ZHX2: variants seen among roughly 807,000 people sequenced by gnomAD.
The protein encoded by ZHX2 is zinc fingers and homeoboxes protein 2.
Under a neutral mutation model 21.9 loss-of-function variants are expected in ZHX2, and 6 were observed. The observed-to-expected ratio is 0.27, with a 90% CI of 0.15 to 0.54. ZHX2 has a LOEUF of 0.54. Ranked by LOEUF, ZHX2 falls within the 20% of genes least tolerant of loss-of-function variation. ZHX2 has a pLI of 0.95. For missense variants in ZHX2, 908 were observed against 1,090.7 expected (o/e 0.83, Z 2.36); for synonymous variants, 434 against 437.1 (o/e 0.99, Z 0.09).
At chr8:122,897,601 T>A (rs1820129142) in intron 2 of ZHX2, among the ~76,000 whole-genome samples, 1 of 151,748 alleles carries the variant, frequency 6.6e-6, no homozygotes, top group Non-Finnish European at 1.5e-5. Flanking sequence ...TTTACTGAAG[T>A]AGATTATCAA....
At chr8:122,781,505 T>TC (rs1052919817), upstream of ZHX2, 72 of 151,790 alleles carry the variant, frequency 4.7e-4, no homozygotes, top group African/African-American at 1.1e-3. This position sits in a 1 kb window ranked among gnomAD's most constrained non-coding sequence, Gnocchi z 4.6. Flanking sequence ...AGGGCTAGCC[T>TC]CCCCCCCAGC....
chr8:122,939,880 G>A (rs561811546), intron 2 of ZHX2, among the ~76,000 whole-genome samples: 1 of 152,278 alleles, frequency 6.6e-6, no homozygotes, highest in South Asian at 2.1e-4. Flanking sequence ...GGGAGGAGGG[G>A]TGGAGCAGTC....
intron 2 of ZHX2, among the ~76,000 whole-genome samples, chr8:122,891,373 C>CA (rs1402393259): frequency 1.4e-5 from 2 of 147,278 alleles, no homozygotes; most frequent in South Asian, 2.2e-4. Flanking sequence ...TTTACCTTTG[C>CA]AAAAAGCCAA....
chr8:122,951,435 C>G lies in ZHX2; in HGVS notation c.-76C>G. 1 of 1,343,600 alleles carries G rather than the reference C, an allele frequency of 7.4e-7. No homozygotes were observed. Among genetic ancestry groups the G allele is most frequent in the South Asian group, 1.4e-5 (1 of 70,842 alleles). The allele number at this position is 1,343,600 out of a possible 1,614,324, so 83.2% of individuals were successfully genotyped here. ...GGGAATAAAGCCAAAAGCCTTTCAC[C>G]TTATTCGTTCCAAGAATCTCACCGC... On this transcript the variant is annotated 5_prime_UTR_variant, in exon 3 of 4. Transcript: ENST00000314393.
chr8:122,953,350 CT>C lies in ZHX2; in HGVS notation c.1841del (p.Leu614ProfsTer9). 6.2e-7 allele frequency: 1 copy of C among 1,614,094 alleles called. No individual in the cohort carries two copies. Among genetic ancestry groups the C allele is most frequent in the Non-Finnish European group, 8.5e-7 (1 of 1,180,036 alleles). On this transcript the variant is annotated frameshift_variant, in exon 3 of 4. Transcript: ENST00000314393. LOFTEE classifies it low-confidence loss of function (END_TRUNC). This position sits in a 1 kb window ranked among gnomAD's most constrained non-coding sequence, Gnocchi z 4.6. ...VGAPNGALSR[L>X]DQLSGAQLTS... ...AGCCCCCAATGGTGCTCTGTCTCGA[CT>C]CGACCAGCTCTCCGGTGCCCAGTTA... is the stretch of plus-strand genomic sequence containing the variant.
intron 2 of ZHX2, among the ~76,000 whole-genome samples, chr8:122,900,156 AAGGAGTATCTGAGGTT>A (rs1820193646): frequency 6.6e-6 from 1 of 152,208 alleles, no homozygotes; most frequent in African/African-American, 2.4e-5. Flanking sequence ...TGTTGCTATA[AAGGAGTATCTGAGGTT>A]AGGTAATTTA....
At position 122,953,565 on chromosome 8, in the gene ZHX2, G is replaced by T; in HGVS notation, c.2055G>T (p.Thr685=). The T allele has an allele frequency of 6.2e-7, 1 of 1,614,208 alleles. No homozygotes were observed. Among genetic ancestry groups the T allele is most frequent in the Non-Finnish European group, 8.5e-7 (1 of 1,180,044 alleles). Reference sequence around the variant, plus strand: ...AGGAGAACAGATGCTTGCTGAAAACGGGAACCGTGAAGTGGATGGAGCAGT... The same window carrying T: ...AGGAGAACAGATGCTTGCTGAAAACTGGAACCGTGAAGTGGATGGAGCAGT... ...WFKENRCLLK[T]GTVKWMEQYQ... The change falls in exon 3 of 4, where the codon ACG becomes ACT. Residue 685 remains threonine, a synonymous_variant. Transcript: ENST00000314393. This position sits in a 1 kb window ranked among gnomAD's most constrained non-coding sequence, Gnocchi z 4.6.
At chr8:122,802,940 T>C (rs911646373) in intron 1 of ZHX2, among the ~76,000 whole-genome samples, 1 of 152,014 alleles carries the variant, frequency 6.6e-6, no homozygotes, top group Non-Finnish European at 1.5e-5. Flanking sequence ...TGCATCCCAC[T>C]GCCCCCACTC....
chr8:122,882,430 C>T (rs1586357359), intron 2 of ZHX2, among the ~76,000 whole-genome samples: 1 of 152,018 alleles, frequency 6.6e-6, no homozygotes, highest in African/African-American at 2.4e-5. Context: ...CAAGAATCTT[C>T]ATGAATTTTT....
At chr8:122,789,251 C>G (rs1265369389) in intron 1 of ZHX2, among the ~76,000 whole-genome samples, 1 of 152,178 alleles carries the variant, frequency 6.6e-6, no homozygotes, top group African/African-American at 2.4e-5. Flanking sequence ...CTATGGCTCT[C>G]CCCAGCTGCA....
intron 1 of ZHX2, among the ~76,000 whole-genome samples, chr8:122,858,058 C>A (rs1819070193): frequency 6.6e-6 from 1 of 152,218 alleles, no homozygotes; most frequent in East Asian, 1.9e-4. Context: ...GAAGACTGCA[C>A]TTCTGGCTTG....
intron 1 of ZHX2, among the ~76,000 whole-genome samples, chr8:122,821,853 T>C (rs1563742229): frequency 6.6e-6 from 1 of 152,128 alleles, no homozygotes; most frequent in Non-Finnish European, 1.5e-5. Flanking sequence ...TACAGGCATG[T>C]GCCACCACGC....
chr8:122,784,150 T>G (rs1223499872), intron 1 of ZHX2, among the ~76,000 whole-genome samples: 1 of 152,226 alleles, frequency 6.6e-6, no homozygotes, highest in Admixed American at 6.5e-5. Context: ...CTTGACATGC[T>G]GAAAGGTGGC....
At chr8:122,948,837 C>CA (rs1239569739) in intron 2 of ZHX2, among the ~76,000 whole-genome samples, 5 of 151,724 alleles carry the variant, frequency 3.3e-5, no homozygotes, top group African/African-American at 4.8e-5. Flanking sequence ...GAGTTAAATG[C>CA]AAAAAATAAG....
Position 122,964,948 on chromosome 8 carries a change from T to A in ZHX2, c.*5-8294T>A, listed in dbSNP as rs191884402. On this transcript the variant is annotated intron_variant, in intron 3 of 3. Coordinates refer to ENST00000314393, the MANE Select transcript of ZHX2 (RefSeq NM_014943.5). ...CTCATAAAGGTGTTCATAGAAACCT[T>A]GAATATCTTTTGTATTTCTATGGTA... Among the ~76,000 whole-genome samples the A allele has an allele frequency of 5.3e-3, 807 of 152,054 alleles. 3 individuals are homozygous for A. Among genetic ancestry groups the A allele is most frequent in the African/African-American group, 0.018 (738 of 41,546 alleles).
chr8:122,883,084 G>A (rs1404836329), intron 2 of ZHX2, among the ~76,000 whole-genome samples: 2 of 152,032 alleles, frequency 1.3e-5, no homozygotes, highest in African/African-American at 4.8e-5. Flanking sequence ...TCTTTTCTCT[G>A]GTGATCCAAA....
chr8:122,857,067 A>T (rs16897556), intron 1 of ZHX2, among the ~76,000 whole-genome samples: 42,943 of 151,904 alleles, frequency 0.28, 6,417 homozygotes, highest in East Asian at 0.36. Flanking sequence ...CCGCTCATTC[A>T]GCTTTTCTTC....
At position 122,939,445 on chromosome 8, in the gene ZHX2, C is replaced by A. The variant is rs115073430; in HGVS notation, c.-219-11847C>A. Among the ~76,000 whole-genome samples the A allele has an allele frequency of 5.1e-3, 780 of 152,202 alleles. 4 individuals are homozygous for A. The highest frequency in any genetic ancestry group is 0.018 in the African/African-American group (734 of 41,534). On this transcript the variant is annotated intron_variant, in intron 2 of 3. Coordinates refer to ENST00000314393, the MANE Select transcript of ZHX2 (RefSeq NM_014943.5). ...TGTTTGCTTTGCTTTGCTTTGTTTG[C>A]CTTTTTATGGAAACAGCAACCTGAG...
At chr8:122,820,746 T>A (rs1315993667) in intron 1 of ZHX2, among the ~76,000 whole-genome samples, 1 of 152,168 alleles carries the variant, frequency 6.6e-6, no homozygotes, top group Non-Finnish European at 1.5e-5. Flanking sequence ...CTCCACGAGA[T>A]GGTTTTATGG....
Sources: gnomAD v4.1 joint callset for allele counts (sites outside exome capture counted in the v4.1 genomes callset) on GRCh38, gnomAD v4.1.1 for gene constraint, Gnocchi (gnomAD v3.1) non-coding constraint, MANE v1.5 for transcripts, NCBI Gene and HGNC (gene_info 2026-07-23, HGNC 2026-07-21) for gene names.